RBM25: variants seen among roughly 807,000 people sequenced by gnomAD.
The protein encoded by RBM25 is RNA-binding protein 25.
In RBM25, 19 loss-of-function variants were observed where a neutral mutation model predicts 120.7. The observed-to-expected ratio is 0.16, with a 90% CI of 0.11 to 0.23. RBM25 has a LOEUF of 0.23. RBM25 is among the 10% of genes least tolerant of loss of function. RBM25 has a pLI of 1.00. For missense variants in RBM25, 605 were observed against 1,041.5 expected, an observed-to-expected ratio of 0.58 and a Z score of 5.77; for synonymous variants, 390 against 326.7, an observed-to-expected ratio of 1.19 and a Z score of -2.09.
At position 73,098,843 on chromosome 14, in the gene RBM25, T is replaced by C. The variant is rs1388619929; in HGVS notation, c.730-537T>C. Among the ~76,000 whole-genome samples, 4 of 152,202 alleles carry C rather than the reference T, an allele frequency of 2.6e-5. No homozygotes were observed. In the East Asian group the frequency reaches 7.7e-4, roughly 29 times the overall value. On this transcript the variant is annotated intron_variant, in intron 7 of 18. Coordinates refer to ENST00000261973, the MANE Select transcript of RBM25 (RefSeq NM_021239.3). ...TATTTTTAATAGAGATGGGTTTCACTGTGTTAGCCAGGATGGTCTCGATCT... is the reference window on the plus strand; with the variant it reads ...TATTTTTAATAGAGATGGGTTTCACCGTGTTAGCCAGGATGGTCTCGATCT...
At position 73,071,708 on chromosome 14, in the gene RBM25, C is replaced by T. The variant is rs1296452593; in HGVS notation, c.67C>T (p.Pro23Ser). ...CCCAGCACTCCCACCAGGGATCCCACCCCCGCAGTTTCCAGGATTTCCTCC... is the reference window on the plus strand; with the variant it reads ...CCCAGCACTCCCACCAGGGATCCCATCCCCGCAGTTTCCAGGATTTCCTCC... The part of the protein sequence containing the change: ...GIPALPPGIP[P>S]PQFPGFPPPV... Residue 23 changes from proline (P) to serine (S), a missense_variant, in exon 2 of 19, where the codon CCC (proline) becomes TCC (serine). Pro to Ser is a moderately conservative substitution (Grantham distance 74). Transcript: ENST00000261973. 1.9e-6 allele frequency: 3 copies of T among 1,614,058 alleles called. No individual in the cohort carries two copies. The highest frequency in any genetic ancestry group is 1.1e-5 in the South Asian group (1 of 91,076).
At chr14:73,061,445 A>G (rs1895004249) in intron 1 of RBM25, among the ~76,000 whole-genome samples, 2 of 151,484 alleles carry the variant, frequency 1.3e-5, no homozygotes, top group Non-Finnish European at 3.0e-5. Context: ...TTTGGTAAAT[A>G]TACAAAGTTA....
rs941960552 is a variant in RBM25, at chr14:73,121,368, A to T, written c.*1563A>T. The T allele has an allele frequency of 2.0e-5, 3 of 152,644 alleles. No individual in the cohort carries two copies. In the East Asian group the frequency reaches 5.8e-4, roughly 29 times the overall value. 9.5% of individuals were successfully genotyped at this position (152,644 alleles called of 1,614,324 possible). The stretch of plus-strand genomic sequence containing the variant: ...TGTAAATAAATGGCATCATGTTGTA[A>T]TTGTGTGGTGCATACTAGAAAAGTT... On this transcript the variant is annotated 3_prime_UTR_variant, in exon 19 of 19. Coordinates refer to ENST00000261973, the MANE Select transcript of RBM25 (RefSeq NM_021239.3).
chr14:73,108,335 C>T lies in RBM25; in HGVS notation c.1541+436C>T, dbSNP rs139067664. On this transcript the variant is annotated intron_variant, in intron 13 of 18. Transcript: ENST00000261973. The stretch of plus-strand genomic sequence containing the variant: ...GAGTAGGTTGGACTATAGGTGTGGG[C>T]TACCACACCTGTGTGCTAGGTCCAA... 9.8e-3 allele frequency among the ~76,000 whole-genome samples: 1,493 copies of T among 152,288 alleles called. 16 individuals carry two copies. The highest frequency in any genetic ancestry group is 0.015 in the Non-Finnish European group (1,004 of 68,022).
chr14:73,116,459 A>C (rs1174767959), intron 18 of RBM25, among the ~76,000 whole-genome samples: 1 of 152,188 alleles, frequency 6.6e-6, no homozygotes, highest in Non-Finnish European at 1.5e-5. Flanking sequence ...ATGGTGTCTA[A>C]AGCCAGATAA....
rs900598950 is a variant in RBM25, at chr14:73,123,686, G to T, written c.*3881G>T. 9 of 152,104 alleles carry T rather than the reference G, an allele frequency of 5.9e-5. No individual in the cohort carries two copies. Among genetic ancestry groups the T allele is most frequent in the Admixed American group, 2.6e-4 (4 of 15,268 alleles). 9.4% of individuals were successfully genotyped at this position (152,104 alleles called of 1,614,324 possible). A position where few individuals can be genotyped will look rare whatever the true frequency, so the allele number is the denominator to read the frequency against. ...TTTTTGATAAACTGATAGATTTTTT[G>T]TAATGTGATTATGGTAAAATACTGA... On this transcript the variant is annotated 3_prime_UTR_variant, in exon 19 of 19. Coordinates refer to ENST00000261973, the MANE Select transcript of RBM25 (RefSeq NM_021239.3).
chr14:73,066,644 C>T (rs954183273), intron 1 of RBM25, among the ~76,000 whole-genome samples: 2 of 20,600 alleles, frequency 9.7e-5, no homozygotes, highest in African/African-American at 2.4e-4. Flanking sequence ...AAGACTCCAT[C>T]TCAAAAAAAA....
intron 1 of RBM25, chr14:73,068,499 A>C: frequency 2.2e-6 from 2 of 896,668 alleles, no homozygotes; most frequent in Non-Finnish European, 3.5e-6. Context: ...AGTGTGCCGC[A>C]TGTTGTATTT....
chr14:73,067,545 C>T (rs1895168518), intron 1 of RBM25, among the ~76,000 whole-genome samples: 1 of 151,524 alleles, frequency 6.6e-6, no homozygotes, highest in East Asian at 1.9e-4. Context: ...GCTGGGACTA[C>T]AGGCATGTGC....
At chr14:73,103,669 C>T (rs1466081874) in intron 10 of RBM25, among the ~76,000 whole-genome samples, 191 bp downstream of exon 10, 1 of 152,086 alleles carries the variant, frequency 6.6e-6, no homozygotes, top group Non-Finnish European at 1.5e-5. Context: ...TCTCATTCCT[C>T]AGCCTCCCAA....
At chr14:73,104,280 A>G (rs552739415) in intron 10 of RBM25, among the ~76,000 whole-genome samples, 8 of 151,878 alleles carry the variant, frequency 5.3e-5, no homozygotes, top group East Asian at 1.9e-4. Flanking sequence ...CTTTCTGTCT[A>G]TAAATTTACT....
Position 73,106,214 on chromosome 14 carries a change from A to G in RBM25, c.1396A>G (p.Ile466Val). ...AYQERLKNWE[I>V]RERKKTREYE... Reference sequence around the variant, plus strand: ...TTTTTAGCGCCTTAAGAATTGGGAAATCAGAGAACGAAAGAAAACCCGGGA... The same window carrying G: ...TTTTTAGCGCCTTAAGAATTGGGAAGTCAGAGAACGAAAGAAAACCCGGGA... Residue 466 changes from isoleucine (I) to valine (V), a missense_variant, in exon 12 of 19, where the codon ATC becomes GTC. Transcript: ENST00000261973. The G allele has an allele frequency of 6.3e-7, 1 of 1,595,224 alleles. No individual in the cohort carries two copies. Among genetic ancestry groups the G allele is most frequent in the Non-Finnish European group, 8.5e-7 (1 of 1,174,532 alleles).
intron 6 of RBM25, chr14:73,088,363 G>C: frequency 2.7e-6 from 2 of 728,124 alleles, no homozygotes; most frequent in Non-Finnish European, 4.7e-6. Flanking sequence ...TGGTTTGCTT[G>C]TTCCAGGTTG....
chr14:73,067,730 A>G (rs1172119705), intron 1 of RBM25, among the ~76,000 whole-genome samples: 1 of 149,580 alleles, frequency 6.7e-6, no homozygotes, highest in African/African-American at 2.5e-5. Context: ...CAGCCTCCCT[A>G]GTAGCTGGGA....
chr14:73,111,759 C>T lies in RBM25; in HGVS notation c.2249C>T (p.Pro750Leu). 1 of 1,612,522 alleles carries T rather than the reference C, an allele frequency of 6.2e-7. No individual in the cohort carries two copies. Among genetic ancestry groups the T allele is most frequent in the Non-Finnish European group, 8.5e-7 (1 of 1,179,608 alleles). ...SLIEKIPTAK[P>L]ELFAYPLDWS... is the part of the protein sequence containing the mutation. ...ATTGAGAAAATCCCTACAGCCAAACCTGAGCTCTTCGCTTATCCCCTGGAT... is the reference window on the plus strand; with the variant it reads ...ATTGAGAAAATCCCTACAGCCAAACTTGAGCTCTTCGCTTATCCCCTGGAT... The change falls in exon 16 of 19, where the codon CCT (proline) becomes CTT (leucine). Residue 750 changes from proline (P) to leucine (L), a missense_variant. By Grantham distance (98) the Pro-to-Leu change is moderately conservative. Around this residue, in one of 4 missense-constraint regions of RBM25, gnomAD observed 465 missense variants for 741.6 expected, o/e 0.63. Coordinates refer to ENST00000261973, the MANE Select transcript of RBM25 (RefSeq NM_021239.3).
chr14:73,112,522 G>C (rs1205533290), intron 17 of RBM25, among the ~76,000 whole-genome samples: 1 of 152,042 alleles, frequency 6.6e-6, no homozygotes, highest in East Asian at 1.9e-4. Context: ...TGGTCGAGGA[G>C]GATGGAATTG....
intron 6 of RBM25, among the ~76,000 whole-genome samples, chr14:73,092,236 A>G (rs1255336765): frequency 7.4e-6 from 1 of 135,174 alleles, no homozygotes; most frequent in African/African-American, 2.8e-5. Context: ...TGAAAGTCGG[A>G]GAGTGAGAGA....
At chr14:73,075,519 T>G (rs1895396668) in intron 2 of RBM25, among the ~76,000 whole-genome samples, 1 of 152,212 alleles carries the variant, frequency 6.6e-6, no homozygotes, top group African/African-American at 2.4e-5. Flanking sequence ...GATTTACACA[T>G]AAATTTCTCA....
At chr14:73,067,936 AT>A (rs1460889945) in intron 1 of RBM25, among the ~76,000 whole-genome samples, 1 of 152,184 alleles carries the variant, frequency 6.6e-6, no homozygotes, top group Admixed American at 6.6e-5. Context: ...ATTCTTAAAA[AT>A]TAAGATTTTG....
Sources: gnomAD v4.1 joint callset for allele counts (sites outside exome capture counted in the v4.1 genomes callset) on GRCh38, gnomAD v4.1.1 for gene constraint, gnomAD v4.1.1 regional missense constraint, MANE v1.5 for transcripts, NCBI Gene and HGNC (gene_info 2026-07-23, HGNC 2026-07-21) for gene names.